MYO1C: variants seen among roughly 807,000 people sequenced by gnomAD.
MYO1C encodes the protein myosin IC, also known as unconventional myosin-Ic.
A neutral mutation model predicts 150.8 loss-of-function variants in MYO1C; 104 were observed. The ratio of observed to expected loss-of-function variants is 0.69; its 90% CI spans 0.59 to 0.81. MYO1C has a LOEUF of 0.81. MYO1C is among the 30% of genes least tolerant of loss of function. The pLI is 0.00. For missense variants in MYO1C, 1,504 were observed against 1,435.0 expected (o/e 1.05, Z -0.78); for synonymous variants, 663 against 579.9 (o/e 1.14, Z -2.06).
At chr17:1,469,213 G>A (rs2074243938) in intron 25 of MYO1C, 2 of 408,046 alleles carry the variant, frequency 4.9e-6, no homozygotes, top group Admixed American at 3.6e-5. Context: ...TGGTAGGCAG[G>A]GCAAAATACG....
chr17:1,491,080 G>T (rs1201780378), intron 1 of MYO1C: 1 of 152,298 alleles, frequency 6.6e-6, no homozygotes, highest in African/African-American at 2.4e-5. Context: ...ACGCAGCGAG[G>T]CACACGGTGG....
chr17:1,472,631 G>A (rs541851088), intron 17 of MYO1C, among the ~76,000 whole-genome samples: 1 of 152,338 alleles, frequency 6.6e-6, no homozygotes, highest in East Asian at 1.9e-4. Flanking sequence ...CAGGCCTGGC[G>A]GAGGAGCACG....
chr17:1,484,629 G>A (rs1466903713), intron 1 of MYO1C: 8 of 512,776 alleles, frequency 1.6e-5, no homozygotes, highest in African/African-American at 3.9e-5. Context: ...GGCAGAACCC[G>A]GGAGGTGCTG....
At position 1,464,363 on chromosome 17, in the gene MYO1C, C is replaced by G. The variant is rs1461953879; in HGVS notation, c.*1363G>C. 1.3e-5 allele frequency: 2 copies of G among 152,656 alleles called. No individual in the cohort carries two copies. The highest frequency in any genetic ancestry group is 3.8e-4 in the East Asian group (2 of 5,196). 9.5% of individuals were successfully genotyped at this position (152,656 alleles called of 1,614,324 possible). ...CCTGCCGCTCCTCCCAAGGCCAGCC[C>G]CGTCCCCACGCTCCCATGCCAGGGA... On this transcript the variant is annotated 3_prime_UTR_variant, in exon 32 of 32. Transcript: ENST00000648651.
At position 1,477,442 on chromosome 17, in the gene MYO1C, T is replaced by G. The variant is rs1236420819; in HGVS notation, c.1574+63A>C. On this transcript the variant is annotated intron_variant, in intron 14 of 31. Transcript: ENST00000648651. ...TGTTTTGTGATGGCGGAGGGACTCC[T>G]GCACTCCGCAGGCTCTGCTGCAAGT... is the stretch of plus-strand genomic sequence containing the variant. 32 of 1,460,426 alleles carry G rather than the reference T, an allele frequency of 2.2e-5. 1 individual carries two copies. In the Admixed American group the frequency reaches 5.4e-4, roughly 25 times the overall value. 90.5% of individuals were successfully genotyped at this position (1,460,426 alleles called of 1,614,324 possible).
At chr17:1,472,975 C>T (rs1004385196) in intron 17 of MYO1C, among the ~76,000 whole-genome samples, 3 of 151,990 alleles carry the variant, frequency 2.0e-5, no homozygotes, top group Non-Finnish European at 4.4e-5. Context: ...CCGAGGCGGG[C>T]GGATCACCTG....
rs1175141555 is a variant in MYO1C, at chr17:1,483,595, G to C, written c.347+15C>G. 6.3e-7 allele frequency: 1 copy of C among 1,589,214 alleles called. No homozygotes were observed. Among genetic ancestry groups the C allele is most frequent in the Admixed American group, 1.8e-5 (1 of 57,050 alleles). Reference sequence around the variant, plus strand: ...AGACAGAGGGGTCGCTCCCGGAGGGGCTGGGGTCACTCACAGGTGAGGGGG... The same window carrying C: ...AGACAGAGGGGTCGCTCCCGGAGGGCCTGGGGTCACTCACAGGTGAGGGGG... On this transcript the variant is annotated intron_variant, in intron 3 of 31. Transcript: ENST00000648651.
In MYO1C at chr17:1,477,999, C is replaced by A. The variant is rs775661265; in HGVS notation, c.1402-28G>T. ...GAGGGGCAGAAGGGAAGGAAGGGAT[C>A]ACCGTGGGGTCCTGGCACCCTCTCC... On this transcript the variant is annotated intron_variant, in intron 12 of 31. Transcript: ENST00000648651. 4 of 1,613,226 alleles carry A rather than the reference C, an allele frequency of 2.5e-6. No homozygotes were observed. The South Asian group carries it at 4.4e-5, about 18-fold the overall frequency.
At chr17:1,475,709 T>C (rs1482533406) in intron 14 of MYO1C, among the ~76,000 whole-genome samples, 1 of 152,170 alleles carries the variant, frequency 6.6e-6, no homozygotes. Context: ...CCCATTTGCT[T>C]TTAAGAACTA....
At chr17:1,486,662 T>C (rs2074662387) in intron 1 of MYO1C, among the ~76,000 whole-genome samples, 1 of 152,118 alleles carries the variant, frequency 6.6e-6, no homozygotes, top group South Asian at 2.1e-4. Context: ...ATTACAGGCG[T>C]GCGCCACCAC....
intron 24 of MYO1C, 107 bp from the exon 25 acceptor site, chr17:1,469,721 C>G: frequency 2.2e-6 from 2 of 925,142 alleles, no homozygotes; most frequent in Admixed American, 2.0e-5. Flanking sequence ...CCCCCTCCAT[C>G]TGGAGACGCT....
intron 26 of MYO1C, 34 bp downstream of exon 26, chr17:1,468,369 G>A (rs750954941): frequency 3.8e-5 from 61 of 1,613,350 alleles, no homozygotes; most frequent in Non-Finnish European, 4.4e-5. Context: ...GGATGGTGAC[G>A]AAAGGTCTGA....
intron 14 of MYO1C, among the ~76,000 whole-genome samples, chr17:1,476,640 G>A (rs548395014): frequency 6.6e-6 from 1 of 152,326 alleles, no homozygotes; most frequent in East Asian, 1.9e-4. Context: ...CCCTCAAGGA[G>A]CAGCTGCAGG....
rs775896723 is a variant in MYO1C at position 1,471,292 on chromosome 17, C to T, written c.2066G>A (p.Arg689Gln). The change falls in exon 20 of 32, where the codon CGG becomes CAG. Residue 689 changes from arginine to glutamine, a missense_variant. Coordinates refer to ENST00000648651, the MANE Select transcript of MYO1C (RefSeq NM_001080779.2). ...CPETWPTWAG[R>Q]PQDGVAVLVR... is the part of the protein sequence containing the mutation. ...CAGCACAGCCACCCCATCCTGCGGC[C>T]GTCCTGCCCACGTGGGCCACGTCTC... is the stretch of plus-strand genomic sequence containing the variant. 3.7e-6 allele frequency: 6 copies of T among 1,613,994 alleles called. No individual in the cohort carries two copies. Among genetic ancestry groups the T allele is most frequent in the Admixed American group, 1.7e-5 (1 of 60,018 alleles).
intron 31 of MYO1C, 101 bp from the exon 32 acceptor site, chr17:1,465,853 A>C: frequency 1.1e-6 from 1 of 873,858 alleles, no homozygotes; most frequent in Non-Finnish European, 1.6e-6. Context: ...TTTTATGGAG[A>C]ATGGGGTCTC....
At chr17:1,471,848 C>T in intron 19 of MYO1C, 59 bp downstream of exon 19, 2 of 1,545,820 alleles carry the variant, frequency 1.3e-6, no homozygotes, top group African/African-American at 1.4e-5. Flanking sequence ...CCTCATGGGA[C>T]CTAGGGGCTC....
intron 1 of MYO1C, chr17:1,485,507 C>T (rs1048937565): frequency 1.7e-6 from 1 of 585,002 alleles, no homozygotes; most frequent in Non-Finnish European, 2.3e-6. Flanking sequence ...GCTCCTCATC[C>T]GGCCCCGGGT....
chr17:1,487,435 T>G (rs894378659), intron 1 of MYO1C, among the ~76,000 whole-genome samples: 2 of 152,052 alleles, frequency 1.3e-5, no homozygotes, highest in Non-Finnish European at 2.9e-5. Context: ...CTGCGGCAGG[T>G]GCGGGCCGGA....
chr17:1,484,555 G>A lies in MYO1C; in HGVS notation c.76-252C>T. 6.7e-6 allele frequency: 4 copies of A among 595,172 alleles called. No individual in the cohort carries two copies. In the South Asian group the frequency reaches 7.8e-5, roughly 12 times the overall value. 36.9% of individuals were successfully genotyped at this position (595,172 alleles called of 1,614,324 possible). On this transcript the variant is annotated intron_variant, in intron 1 of 31. Transcript: ENST00000648651. ...AGGGATCACCGAGGCTGCGGGCACA[G>A]AACAGAGACAACATGAACCACTTGG...
Sources: gnomAD v4.1 joint callset for allele counts (sites outside exome capture counted in the v4.1 genomes callset) on GRCh38, gnomAD v4.1.1 for gene constraint, MANE v1.5 for transcripts, NCBI Gene and HGNC (gene_info 2026-07-23, HGNC 2026-07-21) for gene names.